Variants in GET1 observed in about 807,000 individuals in gnomAD.
The protein encoded by GET1 is guided entry of tail-anchored proteins factor 1, also known as congenital heart disease 5 protein.
A neutral mutation model predicts 22.6 loss-of-function variants in GET1; 20 were observed. That is an observed-to-expected ratio of 0.89 (90% CI 0.62 to 1.29). The LOEUF is 1.29. Ranked by LOEUF, GET1 falls within the 50% of genes most tolerant of loss-of-function variation. GET1 has a pLI of 0.00. For missense variants in GET1, 209 were observed against 219.9 expected (o/e 0.95, Z 0.31); for synonymous variants, 92 against 83.8 (o/e 1.10, Z -0.53).
intron 1 of GET1, chr21:39,386,253 C>G (rs1471178041): frequency 6.6e-6 from 1 of 152,498 alleles, no homozygotes. Context: ...AGAGCACCCC[C>G]TCCGCCCCCA....
chr21:39,404,560 C>G (rs1020086180), intron 4 of GET1, among the ~76,000 whole-genome samples: 7 of 152,010 alleles, frequency 4.6e-5, no homozygotes, highest in Non-Finnish European at 1.0e-4. Context: ...GCCTGGCTAA[C>G]ATGGCAAAAC....
intron 1 of GET1, among the ~76,000 whole-genome samples, chr21:39,390,356 C>T (rs780675776): frequency 1.3e-5 from 2 of 152,090 alleles, no homozygotes; most frequent in Non-Finnish European, 2.9e-5. Flanking sequence ...GCGGCAGTCC[C>T]GGGACAGCCA....
intron 1 of GET1, among the ~76,000 whole-genome samples, chr21:39,423,666 C>T (rs567476775): frequency 2.6e-5 from 4 of 152,266 alleles, no homozygotes; most frequent in African/African-American, 7.2e-5. Context: ...ATGCTTTAGG[C>T]TAGGTACTTT....
chr21:39,404,179 A>G (rs1050731698), intron 4 of GET1, among the ~76,000 whole-genome samples: 3 of 152,254 alleles, frequency 2.0e-5, no homozygotes, highest in Non-Finnish European at 4.4e-5. Flanking sequence ...TGAGGCTGGG[A>G]GTATAGCCTC....
At chr21:39,389,232 A>G (rs1029919436) in intron 1 of GET1, among the ~76,000 whole-genome samples, 1 of 152,064 alleles carries the variant, frequency 6.6e-6, no homozygotes, top group African/African-American at 2.4e-5. Flanking sequence ...TTGGCCTCCC[A>G]AAGTGCTGGG....
In GET1 at chr21:39,393,220, G is replaced by A. The variant is rs186647408; in HGVS notation, c.391G>A (p.Val131Met). The change falls in exon 4 of 5, where the codon GTG becomes ATG. Residue 131 changes from valine to methionine, a missense_variant. By Grantham distance (21) the Val-to-Met change is conservative. Coordinates refer to ENST00000649170, the MANE Select transcript of GET1 (RefSeq NM_004627.6). ...GTATTATTCTGTCCCTGTGGCTGTCGTGCCGAGTAAATGGATAACCCCTCT... is the reference window on the plus strand; with the variant it reads ...GTATTATTCTGTCCCTGTGGCTGTCATGCCGAGTAAATGGATAACCCCTCT... Reference protein sequence around the residue: ...WKYYSVPVAVVPSKWITPLDR... With the variant: ...WKYYSVPVAVMPSKWITPLDR... The A allele has an allele frequency of 1.2e-4, 186 of 1,614,178 alleles. No homozygotes were observed. The highest frequency in any genetic ancestry group is 1.2e-4 in the Non-Finnish European group (144 of 1,180,026).
chr21:39,409,522 C>G (rs1269198649), downstream of GET1, among the ~76,000 whole-genome samples: 5 of 152,056 alleles, frequency 3.3e-5, no homozygotes. This position sits in a 1 kb window ranked among gnomAD's most constrained non-coding sequence, Gnocchi z 4.2. Flanking sequence ...GAGTACTCAT[C>G]CACTGTTTCT....
At chr21:39,410,708 C>T (rs1213842429), downstream of GET1, 1 of 391,208 alleles carries the variant, frequency 2.6e-6, no homozygotes, top group East Asian at 7.1e-5. Flanking sequence ...TGTGGCGGAG[C>T]TCTTGATTAT....
At chr21:39,391,053 A>G in intron 2 of GET1, 190 bp downstream of exon 2, 1 of 529,090 alleles carries the variant, frequency 1.9e-6, no homozygotes, top group South Asian at 3.7e-5. Context: ...TTTGCTTTCT[A>G]AGCACAGAAA....
chr21:39,391,426 G>T (rs2038289458), intron 2 of GET1: 1 of 305,856 alleles, frequency 3.3e-6, no homozygotes, highest in Non-Finnish European at 6.2e-6. Flanking sequence ...CCCACCAGGG[G>T]TTCGTGTACT....
intron 1 of GET1, among the ~76,000 whole-genome samples, chr21:39,384,077 C>T (rs1414790287): frequency 2.0e-5 from 3 of 150,702 alleles, no homozygotes; most frequent in Admixed American, 6.6e-5. Flanking sequence ...TTCTAATGGA[C>T]GTAAGGTGGT....
rs1053398429 is a variant in GET1 at position 39,422,091 on chromosome 21, T to G, written c.*24-6141T>G. On this transcript the variant is annotated intron_variant, in intron 1 of 1. Transcript: ENST00000478273. ...ATTTTCTGTAGATCACATATTAATTTCATGTGAAAAAAATTTATTGGAAAA... is the reference window on the plus strand; with the variant it reads ...ATTTTCTGTAGATCACATATTAATTGCATGTGAAAAAAATTTATTGGAAAA... The G allele has an allele frequency of 2.0e-5, 3 of 152,310 alleles. No homozygotes were observed. The East Asian group carries it at 5.8e-4, about 29-fold the overall frequency. The allele number at this position is 152,310 out of a possible 1,614,324, so 9.4% of individuals were successfully genotyped here. A position where few individuals can be genotyped will look rare whatever the true frequency, so the allele number is the denominator to read the frequency against.
downstream of GET1, chr21:39,411,144 AC>A: frequency 3.1e-6 from 1 of 318,458 alleles, no homozygotes; most frequent in Admixed American, 4.3e-5. Flanking sequence ...GATTCCACTT[AC>A]ATGAAATTCT....
exon 5 of GET1, chr21:39,406,185 A>G (rs2147054924): frequency 1.2e-6 from 2 of 1,614,254 alleles, no homozygotes; most frequent in Non-Finnish European, 1.7e-6. Flanking sequence ...ACCCACTGTC[A>G]GAATGCTCTA....
intron 1 of GET1, among the ~76,000 whole-genome samples, chr21:39,383,205 T>A (rs1034432799): frequency 6.6e-6 from 1 of 151,958 alleles, no homozygotes; most frequent in Non-Finnish European, 1.5e-5. Flanking sequence ...CTGCCCGCCT[T>A]GGCCTCCCAA....
chr21:39,405,782 CACAT>C lies in GET1; in HGVS notation c.350-124_350-121del. 4 of 876,570 alleles carry C rather than the reference CACAT, an allele frequency of 4.6e-6. No individual in the cohort carries two copies. The South Asian group carries it at 7.4e-5, about 16-fold the overall frequency. The allele number at this position is 876,570 out of a possible 1,614,324, so 54.3% of individuals were successfully genotyped here. A position where few individuals can be genotyped will look rare whatever the true frequency, so the allele number is the denominator to read the frequency against. ...AAAGTCAATTAAGTACTAAAACACACACATACATACACTCCCTCTCTCACACATT... is the reference window on the plus strand; with the variant it reads ...AAAGTCAATTAAGTACTAAAACACACACATACACTCCCTCTCTCACACATT... On this transcript the variant is annotated intron_variant, in intron 4 of 4. Coordinates refer to the GET1 transcript ENST00000415847.
At chr21:39,391,564 C>A in intron 2 of GET1, 32 of 482,682 alleles carry the variant, frequency 6.6e-5, no homozygotes, top group East Asian at 8.2e-5. Flanking sequence ...AAATCTCAAT[C>A]TGAGTCGGAT....
exon 5 of GET1, chr21:39,406,437 A>G (rs1379305150): frequency 1.2e-6 from 2 of 1,613,944 alleles, no homozygotes; most frequent in African/African-American, 1.3e-5. Context: ...TTACTAGAAC[A>G]TCTTCTTGAT....
At chr21:39,387,791 C>G (rs1360499345) in intron 1 of GET1, 8 of 985,010 alleles carry the variant, frequency 8.1e-6, no homozygotes, top group African/African-American at 1.8e-5. Context: ...AGGCGACTGG[C>G]GGGTCGCGGC....
Sources: gnomAD v4.1 joint callset for allele counts (sites outside exome capture counted in the v4.1 genomes callset) on GRCh38, gnomAD v4.1.1 for gene constraint, Gnocchi (gnomAD v3.1) non-coding constraint, MANE v1.5 for transcripts, NCBI Gene and HGNC (gene_info 2026-07-23, HGNC 2026-07-21) for gene names.